The following MINDY4B variants were observed in gnomAD, a reference collection of about 807,000 sequenced individuals.
The protein encoded by MINDY4B is MINDY family member 4B.
In MINDY4B, 25 loss-of-function variants were observed where a neutral mutation model predicts 16.7. The ratio of observed to expected loss-of-function variants is 1.49; its 90% CI spans 1.09 to 2.09. The LOEUF is 2.09. Ranked by LOEUF, MINDY4B falls within the 30% of genes most tolerant of loss-of-function variation. The probability of loss-of-function intolerance (pLI) is 0.00; values close to 1 mark genes in which losing one functional copy is unlikely to be tolerated. For missense variants in MINDY4B, 327 were observed against 168.4 expected (o/e 1.94, Z -5.21); for synonymous variants, 132 against 61.9 (o/e 2.13, Z -5.32).
chr3:150,886,528 G>C (rs932889809), intron 7 of MINDY4B, among the ~76,000 whole-genome samples: 1 of 152,114 alleles, frequency 6.6e-6, no homozygotes, highest in African/African-American at 2.4e-5. Flanking sequence ...CCACAGGCTT[G>C]GTGGCTTAAA....
At chr3:150,874,745 G>T (rs539404789) in intron 10 of MINDY4B, among the ~76,000 whole-genome samples, 1 of 152,116 alleles carries the variant, frequency 6.6e-6, no homozygotes, top group South Asian at 2.1e-4. Flanking sequence ...AAATTATCAC[G>T]TGCTTTATCA....
chr3:150,894,655 T>A (rs1018128502), intron 3 of MINDY4B, among the ~76,000 whole-genome samples: 2 of 152,182 alleles, frequency 1.3e-5, no homozygotes, highest in African/African-American at 4.8e-5. Context: ...CAGGATCTCA[T>A]GTTTCCAGCC....
At chr3:150,903,525 C>G in intron 2 of MINDY4B, 109 bp from the exon 3 acceptor site, 1 of 396,880 alleles carries the variant, frequency 2.5e-6, no homozygotes, top group Non-Finnish European at 4.4e-6. Flanking sequence ...AAAATGTTGT[C>G]TCACTTTTAA....
intron 2 of MINDY4B, among the ~76,000 whole-genome samples, 196 bp from the exon 3 acceptor site, chr3:150,903,612 TA>T (rs1226897188): frequency 6.6e-6 from 1 of 152,228 alleles, no homozygotes; most frequent in Non-Finnish European, 1.5e-5. Context: ...GGGTTTCTCA[TA>T]AGGGTTTATA....
At chr3:150,878,433 T>G (rs16862942) in intron 10 of MINDY4B, among the ~76,000 whole-genome samples, 1 of 152,178 alleles carries the variant, frequency 6.6e-6, no homozygotes, top group Non-Finnish European at 1.5e-5. Context: ...TACCTTTTTT[T>G]AAAACCAAAC....
intron 11 of MINDY4B, among the ~76,000 whole-genome samples, chr3:150,871,485 G>A (rs1338089852): frequency 4.0e-5 from 6 of 151,698 alleles, no homozygotes; most frequent in Non-Finnish European, 5.9e-5. Context: ...GATAAGCTAT[G>A]TAATACACCT....
intron 7 of MINDY4B, among the ~76,000 whole-genome samples, chr3:150,885,985 AGTAATTAATTATTT>A (rs1341173202): frequency 2.0e-5 from 3 of 152,240 alleles, no homozygotes; most frequent in Non-Finnish European, 4.4e-5. Context: ...AGTTAAATGA[AGTAATTAATTATTT>A]GAACCTTCCT....
At chr3:150,891,386 A>T (rs186975397) in intron 5 of MINDY4B, among the ~76,000 whole-genome samples, 1 of 152,222 alleles carries the variant, frequency 6.6e-6, no homozygotes, top group Non-Finnish European at 1.5e-5. Context: ...TATAGTCTTT[A>T]TAAAGAAACA....
At chr3:150,902,664 A>G (rs1483393665) in intron 3 of MINDY4B, among the ~76,000 whole-genome samples, 1 of 152,030 alleles carries the variant, frequency 6.6e-6, no homozygotes. Context: ...CCTTGCCCCC[A>G]CCCTGGTGAA....
At chr3:150,904,157 A>G (rs1300767376) in intron 2 of MINDY4B, among the ~76,000 whole-genome samples, 2 of 152,198 alleles carry the variant, frequency 1.3e-5, no homozygotes, top group African/African-American at 2.4e-5. Context: ...GCTAAGATGC[A>G]TTTTGTAAAT....
chr3:150,875,115 C>T (rs1559963756), intron 10 of MINDY4B, among the ~76,000 whole-genome samples: 1 of 152,184 alleles, frequency 6.6e-6, no homozygotes, highest in Non-Finnish European at 1.5e-5. Flanking sequence ...CCAGTCTGCC[C>T]ACTGGTTACA....
chr3:150,897,365 G>A (rs1159247341), intron 3 of MINDY4B, among the ~76,000 whole-genome samples: 1 of 148,532 alleles, frequency 6.7e-6, no homozygotes, highest in Admixed American at 6.8e-5. Flanking sequence ...GTGTGTGTGT[G>A]TGTAGGCCAA....
chr3:150,871,261 A>T (rs750183227), intron 11 of MINDY4B, 74 bp from the exon 12 acceptor site: 49 of 661,334 alleles, frequency 7.4e-5, no homozygotes, highest in Non-Finnish European at 1.2e-4. Context: ...AAAGAAGGAC[A>T]GAAGGGTGGG....
At position 150,897,968 on chromosome 3, in the gene MINDY4B, T is replaced by G. The variant is rs950816424; in HGVS notation, c.310-3663A>C. On this transcript the variant is annotated intron_variant, in intron 3 of 11. Coordinates refer to ENST00000465419, the MANE Select transcript of MINDY4B (RefSeq NM_001351281.2). ...ACAGCACAGAAAGACTGCTCCCAAC[T>G]CAAGGGCAAAGAAGCCCCAGTTCTG... Among the ~76,000 whole-genome samples the G allele has an allele frequency of 3.3e-5, 5 of 152,176 alleles. 1 individual carries two copies. In the East Asian group the frequency reaches 5.8e-4, roughly 18 times the overall value.
intron 6 of MINDY4B, 71 bp downstream of exon 6, chr3:150,890,867 C>T (rs930759054): frequency 4.4e-6 from 3 of 676,540 alleles, no homozygotes; most frequent in African/African-American, 3.5e-5. Flanking sequence ...CCTGCATACA[C>T]ATGGTAAGTC....
intron 10 of MINDY4B, among the ~76,000 whole-genome samples, chr3:150,879,648 A>T (rs1711504728): frequency 6.6e-6 from 1 of 152,232 alleles, no homozygotes; most frequent in Non-Finnish European, 1.5e-5. Flanking sequence ...TCAAACATTA[A>T]CAATTTCAAG....
chr3:150,897,321 CTGTGTGTGTGTGTGTGTG>C (rs3062408), intron 3 of MINDY4B, among the ~76,000 whole-genome samples: 65 of 130,498 alleles, frequency 5.0e-4, no homozygotes, highest in Admixed American at 1.6e-3. Context: ...GTGACTGGAA[CTGTGTGTGTGTGTGTGTG>C]TGTGTGTGTG....
At chr3:150,890,764 CTT>C (rs1269997180) in intron 6 of MINDY4B, 172 bp downstream of exon 6, 9 of 545,260 alleles carry the variant, frequency 1.7e-5, no homozygotes, top group Non-Finnish European at 2.3e-5. Context: ...AAACAGGACT[CTT>C]TGTTGTGTCT....
chr3:150,894,360 TCCTCATGGTGGCCTCATGGCCA>T (rs1239791846), intron 3 of MINDY4B, 55 bp from the exon 4 acceptor site: 1 of 639,024 alleles, frequency 1.6e-6, no homozygotes, highest in Non-Finnish European at 2.8e-6. Context: ...CTAGACATAT[TCCTCATGGTGGCCTCATGGCCA>T]CCTCAAGGAG....
Sources: allele counts gnomAD v4.1 joint callset (sites outside exome capture counted in the v4.1 genomes callset), GRCh38; gene constraint gnomAD v4.1.1; transcripts MANE v1.5; gene names NCBI Gene and HGNC (gene_info 2026-07-23, HGNC 2026-07-21).